FARP1: variants seen among roughly 807,000 people sequenced by gnomAD.
FARP1 encodes FERM, ARHGEF and pleckstrin domain-containing protein 1.
In FARP1, 52 loss-of-function variants were observed where a neutral mutation model predicts 128.8. That is an observed-to-expected ratio of 0.40 (90% CI 0.32 to 0.51). The LOEUF (loss-of-function observed/expected upper bound fraction) is 0.51. FARP1 is among the 20% of genes least tolerant of loss of function. The pLI is 0.45. For missense variants in FARP1, 1,333 were observed against 1,367.9 expected, an observed-to-expected ratio of 0.97 and a Z score of 0.40; for synonymous variants, 580 against 551.8, an observed-to-expected ratio of 1.05 and a Z score of -0.72.
At chr13:98,414,483 G>A (rs181675719) in intron 16 of FARP1, among the ~76,000 whole-genome samples, 2 of 152,304 alleles carry the variant, frequency 1.3e-5, no homozygotes, top group African/African-American at 4.8e-5. Context: ...GAGTGTGAAT[G>A]AGTTTAGTAT....
At chr13:98,400,022 G>C (rs1047733890) in intron 13 of FARP1, 1 of 152,186 alleles carries the variant, frequency 6.6e-6, no homozygotes, top group Admixed American at 6.5e-5. Flanking sequence ...GAGGAAGTCT[G>C]TGGGCCAGAT....
intron 1 of FARP1, among the ~76,000 whole-genome samples, chr13:98,188,238 G>A (rs1201179253): frequency 1.3e-5 from 2 of 152,128 alleles, no homozygotes; most frequent in Non-Finnish European, 2.9e-5. Flanking sequence ...CTGTAAGAAA[G>A]AAGCCTTCAT....
intron 1 of FARP1, among the ~76,000 whole-genome samples, chr13:98,144,548 G>GTCTC (rs1875369758): frequency 6.6e-6 from 1 of 152,136 alleles, no homozygotes; most frequent in South Asian, 2.1e-4. Context: ...CCCAGCCCTG[G>GTCTC]TCTCTGCGTG....
intron 13 of FARP1, chr13:98,406,412 A>G (rs1890973683): frequency 6.6e-6 from 1 of 152,166 alleles, no homozygotes; most frequent in Non-Finnish European, 1.5e-5. Flanking sequence ...ATGCTGATAG[A>G]TTTCTAGACC....
At chr13:98,214,526 TTAG>T (rs1880943077) in intron 2 of FARP1, among the ~76,000 whole-genome samples, 1 of 152,156 alleles carries the variant, frequency 6.6e-6, no homozygotes, top group South Asian at 2.1e-4. Context: ...GGGCTGGAAT[TTAG>T]TAGTCGGCAT....
chr13:98,201,920 A>C (rs886384238), intron 1 of FARP1, among the ~76,000 whole-genome samples: 1 of 152,236 alleles, frequency 6.6e-6, no homozygotes, highest in Non-Finnish European at 1.5e-5. Context: ...CCAAATGATC[A>C]AACAGGCCGA....
rs752713236 is a variant in FARP1, at chr13:98,176,930, C to T, written c.-24+33438C>T. ...GTGGCCCCCATGTCCTCTGGCCCCA[C>T]AGGCTTCGCCGAGCGGGTGGACCTG... On this transcript the variant is annotated intron_variant, in intron 1 of 26. Transcript: ENST00000319562. The surrounding 1 kb of genome is among the most constrained non-coding windows in gnomAD (Gnocchi z 6.2). 1.4e-5 allele frequency: 22 copies of T among 1,603,496 alleles called. No homozygotes were observed. The highest frequency in any genetic ancestry group is 1.9e-5 in the Non-Finnish European group (22 of 1,179,930).
chr13:98,367,584 T>C (rs1249505100), intron 4 of FARP1, among the ~76,000 whole-genome samples: 2 of 151,982 alleles, frequency 1.3e-5, no homozygotes, highest in East Asian at 3.9e-4. Context: ...CTAAACTCAT[T>C]GGTAAGAGGG....
At chr13:98,386,793 C>T (rs1289369793) in intron 8 of FARP1, among the ~76,000 whole-genome samples, 1 of 152,152 alleles carries the variant, frequency 6.6e-6, no homozygotes, top group East Asian at 1.9e-4. Flanking sequence ...GCTTATATTT[C>T]CCCCTTATCT....
intron 3 of FARP1, among the ~76,000 whole-genome samples, chr13:98,351,896 G>A (rs563646753): frequency 2.0e-5 from 3 of 152,018 alleles, no homozygotes; most frequent in Non-Finnish European, 4.4e-5. Context: ...GTCGCCTCCC[G>A]CCAGGACCCA....
chr13:98,277,148 A>ACACACCC (rs372627844), intron 2 of FARP1, among the ~76,000 whole-genome samples: 2 of 138,580 alleles, frequency 1.4e-5, no homozygotes, highest in South Asian at 2.3e-4. Context: ...ACACACACAC[A>ACACACCC]CCCCATATGT....
chr13:98,187,367 A>G (rs1878947353), intron 1 of FARP1, among the ~76,000 whole-genome samples: 1 of 152,216 alleles, frequency 6.6e-6, no homozygotes, highest in South Asian at 2.1e-4. Context: ...AAGGCACCGT[A>G]TGATAAGTGT....
intron 2 of FARP1, among the ~76,000 whole-genome samples, chr13:98,265,151 G>A (rs1402415531): frequency 2.6e-5 from 4 of 152,092 alleles, no homozygotes; most frequent in African/African-American, 9.7e-5. Flanking sequence ...ACAGTACAAA[G>A]CATGTGAAGG....
intron 1 of FARP1, among the ~76,000 whole-genome samples, chr13:98,158,102 A>C (rs1180288357): frequency 6.6e-6 from 1 of 152,246 alleles, no homozygotes; most frequent in Non-Finnish European, 1.5e-5. Flanking sequence ...TTTTCTTTGC[A>C]TGAGATTAAT....
intron 16 of FARP1, among the ~76,000 whole-genome samples, chr13:98,416,339 G>T (rs1457691186): frequency 6.6e-6 from 1 of 152,134 alleles, no homozygotes; most frequent in African/African-American, 2.4e-5. Flanking sequence ...CCTTCCCTTC[G>T]CAGTCCTGCA....
chr13:98,151,364 GGA>G (rs1875984498), intron 1 of FARP1, among the ~76,000 whole-genome samples: 1 of 152,102 alleles, frequency 6.6e-6, no homozygotes, highest in African/African-American at 2.4e-5. Context: ...TAAACCATCT[GGA>G]GAGGGGGACA....
At chr13:98,431,333 G>T (rs1360536596) in intron 18 of FARP1, 53 bp downstream of exon 18, 11 of 1,336,686 alleles carry the variant, frequency 8.2e-6, no homozygotes, top group Admixed American at 2.0e-5. Context: ...TTCAGGCCGG[G>T]TGCTCCCAGA....
At chr13:98,353,190 G>T (rs1480431974) in intron 3 of FARP1, among the ~76,000 whole-genome samples, 1 of 152,050 alleles carries the variant, frequency 6.6e-6, no homozygotes, top group Non-Finnish European at 1.5e-5. Context: ...GATGCACCAT[G>T]TGGCAAAATA....
intron 13 of FARP1, chr13:98,404,013 CCACCA>C (rs1890880361): frequency 7.1e-6 from 1 of 141,154 alleles, no homozygotes; most frequent in Non-Finnish European, 1.6e-5. Flanking sequence ...ACCACCACCA[CCACCA>C]TCACCACCAC....
Sources: gnomAD v4.1 joint callset for allele counts (sites outside exome capture counted in the v4.1 genomes callset) on GRCh38, gnomAD v4.1.1 for gene constraint, Gnocchi (gnomAD v3.1) non-coding constraint, MANE v1.5 for transcripts, NCBI Gene and HGNC (gene_info 2026-07-23, HGNC 2026-07-21) for gene names.